PDSS2: variants seen among roughly 807,000 people sequenced by gnomAD.
The protein encoded by PDSS2 is all trans-polyprenyl-diphosphate synthase PDSS2.
A neutral mutation model predicts 44.5 loss-of-function variants in PDSS2; 31 were observed. The ratio of observed to expected loss-of-function variants is 0.70; its 90% CI spans 0.52 to 0.94. The LOEUF (loss-of-function observed/expected upper bound fraction) is 0.94. Ranked by LOEUF, PDSS2 falls within the 40% of genes least tolerant of loss-of-function variation. PDSS2 has a pLI of 0.00. For synonymous variants in PDSS2, 157 were observed against 180.3 expected (o/e 0.87, Z 1.03); for missense variants, 452 against 482.2 (o/e 0.94, Z 0.59).
At chr6:107,397,012 G>A (rs535144448) in intron 1 of PDSS2, among the ~76,000 whole-genome samples, 13 of 152,166 alleles carry the variant, frequency 8.5e-5, no homozygotes, top group African/African-American at 2.2e-4. Flanking sequence ...CCTCTGTTAC[G>A]CAGAAAGGAA....
intron 1 of PDSS2, among the ~76,000 whole-genome samples, chr6:107,374,689 C>G (rs912887923): frequency 1.3e-5 from 2 of 152,160 alleles, no homozygotes; most frequent in African/African-American, 4.8e-5. Context: ...GGACGTAAAC[C>G]CTTTTCACAG....
chr6:107,430,990 GC>G (rs1206173692), intron 1 of PDSS2, among the ~76,000 whole-genome samples: 4 of 152,146 alleles, frequency 2.6e-5, no homozygotes, highest in Admixed American at 2.6e-4. Flanking sequence ...AAGGAAATTT[GC>G]TATTCTCCAG....
chr6:107,311,238 C>T (rs1254105776), intron 2 of PDSS2, among the ~76,000 whole-genome samples: 1 of 144,760 alleles, frequency 6.9e-6, no homozygotes, highest in Non-Finnish European at 1.5e-5. Context: ...CTCTGTCACT[C>T]AGGGTGGAGT....
intron 5 of PDSS2, among the ~76,000 whole-genome samples, chr6:107,211,654 T>C (rs1158404273): frequency 2.7e-5 from 4 of 147,130 alleles, no homozygotes; most frequent in South Asian, 2.1e-4. Flanking sequence ...CGCTTGAACC[T>C]GGGAGGCAGA....
At chr6:107,227,357 T>C (rs1773869290) in intron 4 of PDSS2, among the ~76,000 whole-genome samples, 1 of 147,232 alleles carries the variant, frequency 6.8e-6, no homozygotes. Context: ...GGCACGATCT[T>C]GGCTCACTGC....
chr6:107,170,098 G>C (rs1175319109), intron 7 of PDSS2, among the ~76,000 whole-genome samples: 1 of 152,186 alleles, frequency 6.6e-6, no homozygotes, highest in Non-Finnish European at 1.5e-5. Flanking sequence ...GAGGCAGGCA[G>C]GTCTCCTTGA....
chr6:107,274,046 G>C lies in PDSS2; in HGVS notation c.613C>G (p.Leu205Val). Residue 205 changes from leucine to valine, a missense_variant, in exon 3 of 8, where the codon CTG becomes GTG. By Grantham distance (32) the Leu-to-Val change is conservative. Coordinates refer to ENST00000369037, the MANE Select transcript of PDSS2 (RefSeq NM_020381.4). Reference protein sequence around the residue: ...LLANACNGLALLQNTKVVELL... With the variant: ...LLANACNGLAVLQNTKVVELL... ...AATTTTACCTTGGTGTTCTGTAGCA[G>C]AGCTAGTCCATTGCAGGCATTTGCT... The C allele has an allele frequency of 5.0e-6, 8 of 1,613,972 alleles. No individual in the cohort carries two copies. The South Asian group carries it at 5.5e-5, about 11-fold the overall frequency.
At chr6:107,203,915 C>G (rs560705645) in intron 6 of PDSS2, among the ~76,000 whole-genome samples, 1 of 151,834 alleles carries the variant, frequency 6.6e-6, no homozygotes, top group South Asian at 2.1e-4. Context: ...TGATATGTGG[C>G]CTTTTGCATC....
intron 2 of PDSS2, among the ~76,000 whole-genome samples, chr6:107,331,887 C>T (rs924254631): frequency 1.3e-5 from 2 of 151,758 alleles, no homozygotes; most frequent in Admixed American, 6.6e-5. Context: ...TCCAAATATA[C>T]AAGCAGATGA....
chr6:107,297,508 G>A (rs1776549272), intron 2 of PDSS2, among the ~76,000 whole-genome samples: 1 of 151,064 alleles, frequency 6.6e-6, no homozygotes, highest in African/African-American at 2.4e-5. Context: ...TCAGCCTCCC[G>A]AGTAGCTGGG....
At chr6:107,328,268 T>A (rs1777610360) in intron 2 of PDSS2, among the ~76,000 whole-genome samples, 1 of 152,198 alleles carries the variant, frequency 6.6e-6, no homozygotes, top group Admixed American at 6.5e-5. Context: ...AGAGAGGTTA[T>A]CTAACTTGTC....
intron 2 of PDSS2, among the ~76,000 whole-genome samples, chr6:107,312,284 G>A (rs1777068066): frequency 6.6e-6 from 1 of 152,162 alleles, no homozygotes; most frequent in Admixed American, 6.5e-5. Flanking sequence ...TGATGGCTAT[G>A]TTGGATTTGT....
chr6:107,258,998 A>C (rs1257162957), intron 3 of PDSS2, among the ~76,000 whole-genome samples: 1 of 152,188 alleles, frequency 6.6e-6, no homozygotes, highest in African/African-American at 2.4e-5. Context: ...TTTTGCAGTC[A>C]GATTGCCTGG....
chr6:107,242,819 A>G (rs1422379588), intron 4 of PDSS2, among the ~76,000 whole-genome samples: 3 of 152,224 alleles, frequency 2.0e-5, no homozygotes, highest in African/African-American at 7.2e-5. Context: ...GGCTTGAGCC[A>G]CCACACCATT....
At chr6:107,207,608 CT>C (rs777686277) in intron 6 of PDSS2, among the ~76,000 whole-genome samples, 17,730 of 109,690 alleles carry the variant, frequency 0.16, 792 homozygotes, top group African/African-American at 0.33. Flanking sequence ...AGTAAAGTGT[CT>C]TTTTTTTTTT....
chr6:107,279,195 G>A (rs1775884005), intron 2 of PDSS2, among the ~76,000 whole-genome samples: 2 of 152,000 alleles, frequency 1.3e-5, no homozygotes, highest in Non-Finnish European at 2.9e-5. Flanking sequence ...CTCCAGCCTG[G>A]GCAACAGAGT....
At chr6:107,398,329 G>A (rs114106228) in intron 1 of PDSS2, among the ~76,000 whole-genome samples, 1,965 of 152,196 alleles carry the variant, frequency 0.013, 44 homozygotes, top group African/African-American at 0.045. Context: ...CTACTCCTTA[G>A]TAATATCTTT....
At chr6:107,242,661 C>G (rs1352888731) in intron 4 of PDSS2, among the ~76,000 whole-genome samples, 1 of 152,166 alleles carries the variant, frequency 6.6e-6, no homozygotes, top group African/African-American at 2.4e-5. Flanking sequence ...TCCTGCCTCG[C>G]CTCAGCATCC....
intron 7 of PDSS2, among the ~76,000 whole-genome samples, chr6:107,171,936 G>A (rs998593): frequency 0.69 from 105,541 of 152,042 alleles, 37,023 homozygotes; most frequent in African/African-American, 0.74. Context: ...CTTGAAGATC[G>A]CTGTAGTCAT....
Sources: gnomAD v4.1 joint callset for allele counts (sites outside exome capture counted in the v4.1 genomes callset) on GRCh38, gnomAD v4.1.1 for gene constraint, MANE v1.5 for transcripts, NCBI Gene and HGNC (gene_info 2026-07-23, HGNC 2026-07-21) for gene names.